Variants in NXPE2 observed in about 807,000 individuals in gnomAD.
The protein encoded by NXPE2 is neurexophilin and PC-esterase domain family member 2, also known as NXPE family member 2.
NXPE2 carries 34 observed loss-of-function variants against 34.4 expected under a neutral mutation model. The observed-to-expected ratio is 0.99, with a 90% CI of 0.75 to 1.31. NXPE2 has a LOEUF of 1.31. Among genes scored for constraint, NXPE2 ranks in the 40% most tolerant of loss-of-function variants. NXPE2 has a pLI of 0.00. For missense variants in NXPE2, 649 were observed against 672.5 expected (o/e 0.97, Z 0.39); for synonymous variants, 235 against 231.3 (o/e 1.02, Z -0.15).
chr11:114,728,162 C>G, the NXPE2 span, among the ~76,000 whole-genome samples: 2 of 152,072 alleles, frequency 1.3e-5, no homozygotes, highest in Non-Finnish European at 2.9e-5. Context: ...TCACTATAAG[C>G]CTTCTACCCC....
At chr11:114,697,015 T>G (rs1951270378) in intron 2 of NXPE2, among the ~76,000 whole-genome samples, 1 of 152,192 alleles carries the variant, frequency 6.6e-6, no homozygotes, top group Admixed American at 6.5e-5. Context: ...CAACATACTG[T>G]AATAAAAGTT....
At chr11:114,545,170 C>G in the NXPE2 span, among the ~76,000 whole-genome samples, 1 of 152,140 alleles carries the variant, frequency 6.6e-6, no homozygotes, top group African/African-American at 2.4e-5. Context: ...TCTTATAAAG[C>G]TAAACATAGT....
the NXPE2 span, chr11:114,570,917 A>T: frequency 6.6e-7 from 1 of 1,519,396 alleles, no homozygotes; most frequent in African/African-American, 1.4e-5. Context: ...TAAGTGAATG[A>T]ATTTCAGACT....
the NXPE2 span, among the ~76,000 whole-genome samples, chr11:114,743,077 A>G: frequency 1.2e-3 from 144 of 123,178 alleles, no homozygotes; most frequent in Middle Eastern, 0.019. Context: ...TGGTTTTGCA[A>G]TAAATATTCA....
At chr11:114,677,328 T>A (rs934917290), upstream of NXPE2, among the ~76,000 whole-genome samples, 2 of 152,236 alleles carry the variant, frequency 1.3e-5, no homozygotes, top group African/African-American at 4.8e-5. Flanking sequence ...GTTAATTAGC[T>A]TGATTGTAGT....
the NXPE2 span, among the ~76,000 whole-genome samples, chr11:114,549,969 G>T: frequency 6.6e-6 from 1 of 151,968 alleles, no homozygotes; most frequent in East Asian, 1.9e-4. Context: ...TCCAATATAT[G>T]GCAGCAAAAT....
chr11:114,770,756 T>C, the NXPE2 span, among the ~76,000 whole-genome samples: 960 of 152,284 alleles, frequency 6.3e-3, 3 homozygotes, highest in Non-Finnish European at 0.011. Flanking sequence ...GAGGACAAAC[T>C]ACACACAAAT....
At chr11:114,777,109 G>GACTT in the NXPE2 span, among the ~76,000 whole-genome samples, 10 of 152,130 alleles carry the variant, frequency 6.6e-5, no homozygotes, top group African/African-American at 2.2e-4. Context: ...TTTTATGAAG[G>GACTT]ACTTGCTTCT....
the NXPE2 span, among the ~76,000 whole-genome samples, chr11:114,498,609 C>G: frequency 1.3e-5 from 2 of 152,078 alleles, no homozygotes. Flanking sequence ...TATTGGCTAT[C>G]AATATGCAAT....
At chr11:114,632,716 TA>T in the NXPE2 span, among the ~76,000 whole-genome samples, 5 of 72,276 alleles carry the variant, frequency 6.9e-5, 1 homozygote, top group African/African-American at 1.7e-4. Context: ...TATAATATAA[TA>T]TATATAATAT....
At chr11:114,684,917 G>A (rs541449110) in intron 2 of NXPE2, among the ~76,000 whole-genome samples, 1 of 152,216 alleles carries the variant, frequency 6.6e-6, no homozygotes, top group African/African-American at 2.4e-5. Flanking sequence ...AGGTATTGGA[G>A]GAACTGCCTC....
the NXPE2 span, among the ~76,000 whole-genome samples, chr11:114,612,666 T>A: frequency 6.6e-6 from 1 of 151,594 alleles, no homozygotes; most frequent in African/African-American, 2.4e-5. Flanking sequence ...ACCCAGTGGA[T>A]AATACGTGTT....
At chr11:114,597,830 T>A in the NXPE2 span, among the ~76,000 whole-genome samples, 4 of 152,148 alleles carry the variant, frequency 2.6e-5, no homozygotes, top group East Asian at 7.7e-4. Flanking sequence ...ACAAAATAAA[T>A]AACAATTGTT....
At chr11:114,585,717 C>T in the NXPE2 span, among the ~76,000 whole-genome samples, 2 of 151,970 alleles carry the variant, frequency 1.3e-5, no homozygotes, top group Non-Finnish European at 2.9e-5. Flanking sequence ...TAAAGGAGTC[C>T]TTGGCAAGGC....
At chr11:114,788,638 G>T in the NXPE2 span, among the ~76,000 whole-genome samples, 1 of 152,166 alleles carries the variant, frequency 6.6e-6, no homozygotes, top group Non-Finnish European at 1.5e-5. Context: ...GCTGCCTCTC[G>T]TGTCCCTCTG....
the NXPE2 span, among the ~76,000 whole-genome samples, chr11:114,663,678 T>TTATCTATCTATC: frequency 0.19 from 27,753 of 145,802 alleles, 2,762 homozygotes; most frequent in Middle Eastern, 0.21. Flanking sequence ...ATCTATCTAT[T>TTATCTATCTATC]TATCTATCTA....
the NXPE2 span, among the ~76,000 whole-genome samples, chr11:114,773,279 A>ACCCCC: frequency 5.8e-4 from 40 of 69,400 alleles, no homozygotes; most frequent in East Asian, 1.3e-3. Flanking sequence ...ACCCACTCCC[A>ACCCCC]CCCCCCCCCC....
At chr11:114,771,549 G>A in the NXPE2 span, among the ~76,000 whole-genome samples, 10 of 152,006 alleles carry the variant, frequency 6.6e-5, no homozygotes, top group Admixed American at 3.9e-4. Flanking sequence ...CAGGTCAACT[G>A]GGAGGGAGGA....
the NXPE2 span, chr11:114,582,217 T>G: frequency 6.8e-7 from 1 of 1,473,250 alleles, no homozygotes; most frequent in Non-Finnish European, 9.1e-7. Context: ...TCACAAGACT[T>G]TTCTTTGGAT....
Sources: allele counts gnomAD v4.1 joint callset (sites outside exome capture counted in the v4.1 genomes callset), GRCh38; gene constraint gnomAD v4.1.1; transcripts MANE v1.5; gene names NCBI Gene and HGNC (gene_info 2026-07-23, HGNC 2026-07-21).